DDX10: variants seen among roughly 807,000 people sequenced by gnomAD.
DDX10 encodes the protein DEAD-box helicase 10.
Under a neutral mutation model 104.3 loss-of-function variants are expected in DDX10, and 74 were observed. The observed-to-expected ratio is 0.71, with a 90% CI of 0.59 to 0.86. The LOEUF is 0.86. Ranked by LOEUF, DDX10 falls within the 40% of genes least tolerant of loss-of-function variation. The pLI, the probability that DDX10 is intolerant of heterozygous loss-of-function variation, is 0.00. For synonymous variants in DDX10, 351 were observed against 353.4 expected (o/e 0.99, Z 0.08); for missense variants, 952 against 1,040.0 (o/e 0.92, Z 1.16).
chr11:108,791,777 G>A (rs1206457842), intron 13 of DDX10, among the ~76,000 whole-genome samples: 1 of 152,128 alleles, frequency 6.6e-6, no homozygotes, highest in African/African-American at 2.4e-5. Context: ...TGTGGATGTA[G>A]GTTTTCATTT....
intron 17 of DDX10, among the ~76,000 whole-genome samples, chr11:108,934,269 T>G (rs1054179321): frequency 6.6e-6 from 1 of 152,170 alleles, no homozygotes; most frequent in African/African-American, 2.4e-5. Flanking sequence ...CTTCCAGGTT[T>G]TCAGTGGGGG....
At chr11:108,909,304 C>T (rs1165636491) in intron 16 of DDX10, among the ~76,000 whole-genome samples, 1 of 152,154 alleles carries the variant, frequency 6.6e-6, no homozygotes, top group African/African-American at 2.4e-5. Flanking sequence ...GTGGCCCACC[C>T]AGGAAGGGCA....
At position 108,841,452 on chromosome 11, in the gene DDX10, G is replaced by A. The variant is rs767324476; in HGVS notation, c.2223G>A (p.Arg741=). The change falls in exon 15 of 18, where the codon AGG becomes AGA. Residue 741 remains arginine, a synonymous_variant. Coordinates refer to ENST00000322536, the MANE Select transcript of DDX10 (RefSeq NM_004398.4). The stretch of plus-strand genomic sequence containing the variant: ...ACAAATTTGACAAAGAAGAATATAG[G>A]AAAAAAATTAAGGCAAAGCATCGGG... ...EEDKFDKEEY[R]KKIKAKHREK... 1 of 1,613,374 alleles carries A rather than the reference G, an allele frequency of 6.2e-7. No homozygotes were observed. Among genetic ancestry groups the A allele is most frequent in the East Asian group, 2.2e-5 (1 of 44,850 alleles).
intron 16 of DDX10, among the ~76,000 whole-genome samples, chr11:108,898,338 G>C (rs963273192): frequency 6.6e-6 from 1 of 152,212 alleles, no homozygotes; most frequent in Non-Finnish European, 1.5e-5. Flanking sequence ...CAAAGAGTAG[G>C]CTGCTTAATA....
At chr11:108,917,244 T>C (rs1407531957) in intron 16 of DDX10, among the ~76,000 whole-genome samples, 1 of 151,480 alleles carries the variant, frequency 6.6e-6, no homozygotes, top group Non-Finnish European at 1.5e-5. Context: ...GATCTGATAG[T>C]TTTTTAAGAC....
chr11:108,889,554 A>T (rs1044395906), intron 16 of DDX10, among the ~76,000 whole-genome samples: 1 of 152,228 alleles, frequency 6.6e-6, no homozygotes, highest in Non-Finnish European at 1.5e-5. Context: ...TTAAGGAAAC[A>T]AAATATTACT....
chr11:108,836,895 G>A (rs1204456482), intron 13 of DDX10, among the ~76,000 whole-genome samples: 3 of 152,226 alleles, frequency 2.0e-5, no homozygotes, highest in African/African-American at 7.2e-5. Context: ...TAACAGTTGT[G>A]ACCAATGCGC....
At chr11:108,897,676 T>C (rs1449410510) in intron 16 of DDX10, among the ~76,000 whole-genome samples, 1 of 151,824 alleles carries the variant, frequency 6.6e-6, no homozygotes, top group Non-Finnish European at 1.5e-5. Flanking sequence ...TTGTTTTAAA[T>C]CTGATTTCTG....
In DDX10 at chr11:108,692,054, A is replaced by G. The variant is rs1035941935; in HGVS notation, c.1138+16A>G. The G allele has an allele frequency of 6.3e-7, 1 of 1,575,152 alleles. No individual in the cohort carries two copies. Among genetic ancestry groups the G allele is most frequent in the Non-Finnish European group, 8.6e-7 (1 of 1,159,272 alleles). ...AGGGGTCTGGGTAAGAAAACTTCCT[A>G]TCATGAAATTTCTGTGATTGTGTGA... On this transcript the variant is annotated intron_variant, in intron 8 of 17. Coordinates refer to ENST00000322536, the MANE Select transcript of DDX10 (RefSeq NM_004398.4).
intron 16 of DDX10, among the ~76,000 whole-genome samples, chr11:108,877,258 A>G (rs1348402738): frequency 6.6e-6 from 1 of 152,228 alleles, no homozygotes; most frequent in African/African-American, 2.4e-5. Context: ...TGGTTGCTTC[A>G]TATTTATGAT....
At chr11:108,705,061 T>A (rs2134460273) in intron 9 of DDX10, among the ~76,000 whole-genome samples, 1 of 152,350 alleles carries the variant, frequency 6.6e-6, no homozygotes, top group East Asian at 1.9e-4. Flanking sequence ...TACTTACATA[T>A]TGGTGGTATT....
At chr11:108,806,759 C>A (rs1478221633) in intron 13 of DDX10, among the ~76,000 whole-genome samples, 1 of 151,994 alleles carries the variant, frequency 6.6e-6, no homozygotes, top group African/African-American at 2.4e-5. Flanking sequence ...AGCTAGCCAT[C>A]TAAGAGGTGG....
chr11:108,789,536 A>G (rs937071030), intron 13 of DDX10, among the ~76,000 whole-genome samples: 12 of 152,242 alleles, frequency 7.9e-5, no homozygotes, highest in Non-Finnish European at 2.9e-5. Context: ...GACATATTTT[A>G]TAAGTTGTGG....
At chr11:108,732,564 T>C (rs975375517) in intron 13 of DDX10, among the ~76,000 whole-genome samples, 6 of 152,226 alleles carry the variant, frequency 3.9e-5, no homozygotes, top group Non-Finnish European at 8.8e-5. Flanking sequence ...CCTTCTGGAA[T>C]GCTGCCTTGT....
intron 17 of DDX10, among the ~76,000 whole-genome samples, chr11:108,926,292 A>C (rs1430030816): frequency 8.4e-6 from 1 of 119,080 alleles, no homozygotes. Context: ...TAGCACAGAC[A>C]CTCCCATGCA....
intron 15 of DDX10, among the ~76,000 whole-genome samples, chr11:108,851,612 A>C (rs1298665952): frequency 6.7e-6 from 1 of 149,262 alleles, no homozygotes; most frequent in Non-Finnish European, 1.5e-5. Flanking sequence ...CTGTTTTTAA[A>C]GTCACATCTG....
At chr11:108,717,483 G>A (rs996231205) in intron 11 of DDX10, among the ~76,000 whole-genome samples, 1 of 152,000 alleles carries the variant, frequency 6.6e-6, no homozygotes, top group Non-Finnish European at 1.5e-5. Flanking sequence ...CCAATTTTTT[G>A]TATTTTTAGT....
chr11:108,861,575 A>C (rs960014669), intron 16 of DDX10, among the ~76,000 whole-genome samples: 2 of 152,178 alleles, frequency 1.3e-5, no homozygotes, highest in Non-Finnish European at 2.9e-5. Context: ...TATTTACATA[A>C]AGGTTTTTTT....
intron 13 of DDX10, among the ~76,000 whole-genome samples, chr11:108,826,658 A>G (rs1248592315): frequency 6.6e-6 from 1 of 152,206 alleles, no homozygotes; most frequent in Non-Finnish European, 1.5e-5. Context: ...CAATTTTCAT[A>G]TGCTGCCCAA....
Sources: allele counts gnomAD v4.1 joint callset (sites outside exome capture counted in the v4.1 genomes callset), GRCh38; gene constraint gnomAD v4.1.1; transcripts MANE v1.5; gene names NCBI Gene and HGNC (gene_info 2026-07-23, HGNC 2026-07-21).